IQSEC3: variants seen among roughly 807,000 people sequenced by gnomAD.
IQSEC3 encodes the protein IQ motif and Sec7 domain ArfGEF 3, also known as IQ motif and SEC7 domain-containing protein 3.
Under a neutral mutation model 105.4 loss-of-function variants are expected in IQSEC3, and 50 were observed. The ratio of observed to expected loss-of-function variants is 0.47; its 90% confidence interval spans 0.38 to 0.60. The LOEUF (loss-of-function observed/expected upper bound fraction) is 0.60. Among genes scored for constraint, IQSEC3 ranks in the 20% least tolerant of loss-of-function variants. IQSEC3 has a pLI of 0.00. For synonymous variants in IQSEC3, 708 were observed against 746.0 expected (o/e 0.95, Z 0.83); for missense variants, 1,415 against 1,630.0 (o/e 0.87, Z 2.27).
intron 3 of IQSEC3, among the ~76,000 whole-genome samples, chr12:133,292 C>T (rs776730672): frequency 2.6e-5 from 4 of 152,204 alleles, no homozygotes; most frequent in Admixed American, 6.5e-5. Flanking sequence ...AAAATTAAAA[C>T]GTGTGGAGAC....
At position 138,056 on chromosome 12, in the gene IQSEC3, A is replaced by G. The variant is rs1284984400; in HGVS notation, c.904-211A>G. 1.3e-5 allele frequency among the ~76,000 whole-genome samples: 2 copies of G among 151,982 alleles called. No individual in the cohort carries two copies. Among genetic ancestry groups the G allele is most frequent in the Non-Finnish European group, 2.9e-5 (2 of 67,976 alleles). On this transcript the variant is annotated intron_variant, in intron 3 of 13. Coordinates refer to ENST00000538872, the MANE Select transcript of IQSEC3 (RefSeq NM_001170738.2). The surrounding 1 kb of genome is among the most constrained non-coding windows in gnomAD (Gnocchi z 7.1). Reference sequence around the variant, plus strand: ...CCCTTGAGACATCACTAGTCCCCAGAACGGACCCCTCCGTCCTACACCTCT... The same window carrying G: ...CCCTTGAGACATCACTAGTCCCCAGGACGGACCCCTCCGTCCTACACCTCT...
chr12:157,755 A>C (rs1386545244), intron 7 of IQSEC3, 61 bp downstream of exon 7: 4 of 1,541,878 alleles, frequency 2.6e-6, no homozygotes, highest in Non-Finnish European at 3.5e-6. Flanking sequence ...CATTCTGTGC[A>C]CCGTGCATTC....
At chr12:101,926 C>A (rs1864435196) in intron 2 of IQSEC3, among the ~76,000 whole-genome samples, 1 of 152,198 alleles carries the variant, frequency 6.6e-6, no homozygotes, top group Non-Finnish European at 1.5e-5. Context: ...CCAGCTGTCC[C>A]ACCTCCAGAG....
chr12:146,497 G>C (rs528810217), intron 5 of IQSEC3, among the ~76,000 whole-genome samples: 11 of 152,058 alleles, frequency 7.2e-5, no homozygotes, highest in African/African-American at 2.7e-4. Context: ...TTTTTTTTAA[G>C]TAGCCAGGTG....
chr12:79,958 T>C (rs1419260749), intron 1 of IQSEC3, among the ~76,000 whole-genome samples: 2 of 152,236 alleles, frequency 1.3e-5, no homozygotes, highest in East Asian at 3.8e-4. Flanking sequence ...TCCCTAATAA[T>C]GTATCTTAGT....
chr12:132,155 G>A (rs147567050), intron 3 of IQSEC3, among the ~76,000 whole-genome samples: 1 of 152,238 alleles, frequency 6.6e-6, no homozygotes, highest in Non-Finnish European at 1.5e-5. Context: ...TTTGAGATAG[G>A]TCTCGAAGAA....
chr12:91,429 C>T (rs1311846229), intron 1 of IQSEC3, among the ~76,000 whole-genome samples: 2 of 152,148 alleles, frequency 1.3e-5, no homozygotes, highest in African/African-American at 4.8e-5. Context: ...GGCCAGCTGG[C>T]CCTGACTGTT....
At chr12:94,032 C>A (rs1480215030) in intron 1 of IQSEC3, among the ~76,000 whole-genome samples, 1 of 152,228 alleles carries the variant, frequency 6.6e-6, no homozygotes, top group South Asian at 2.1e-4. Context: ...AACCTCTTTT[C>A]TTTGTAAGTT....
At chr12:120,972 C>T (rs1262893362) in intron 2 of IQSEC3, among the ~76,000 whole-genome samples, 5 of 152,324 alleles carry the variant, frequency 3.3e-5, no homozygotes, top group Non-Finnish European at 4.4e-5. Flanking sequence ...AGTGACCTCA[C>T]GTTTTCTCCC....
intron 2 of IQSEC3, among the ~76,000 whole-genome samples, chr12:104,590 C>T (rs1555077370): frequency 2.0e-5 from 3 of 152,218 alleles, no homozygotes; most frequent in African/African-American, 7.2e-5. Flanking sequence ...TCTGCATTTC[C>T]CACTTGGCGA....
At chr12:173,427 G>A (rs1051386647) in intron 13 of IQSEC3, among the ~76,000 whole-genome samples, 3 of 152,194 alleles carry the variant, frequency 2.0e-5, no homozygotes, top group African/African-American at 7.2e-5. Flanking sequence ...GGGAAAGGGT[G>A]TCCCTGAACT....
chr12:156,921 G>A lies in IQSEC3; in HGVS notation c.2154-104G>A, dbSNP rs534151229. The A allele has an allele frequency of 1.5e-5, 20 of 1,326,852 alleles. No individual in the cohort carries two copies. The African/African-American group carries it at 2.7e-4, about 18-fold the overall frequency. 82.2% of individuals were successfully genotyped at this position (1,326,852 alleles called of 1,614,324 possible). ...CGACCCCCGGGGGTGAGTAGCCTGAGGGGCCCTGCACCTGTCCTGGCTGGG... is the reference window on the plus strand; with the variant it reads ...CGACCCCCGGGGGTGAGTAGCCTGAAGGGCCCTGCACCTGTCCTGGCTGGG... On this transcript the variant is annotated intron_variant, in intron 5 of 13. Transcript: ENST00000538872.
intron 1 of IQSEC3, among the ~76,000 whole-genome samples, chr12:81,943 A>C (rs577777982): frequency 6.6e-6 from 1 of 152,306 alleles, no homozygotes; most frequent in East Asian, 1.9e-4. Context: ...AGAACTGTCC[A>C]TTAGCTTTAG....
At chr12:163,693 C>T (rs532146401) in intron 9 of IQSEC3, 74 bp downstream of exon 9, 5 of 886,206 alleles carry the variant, frequency 5.6e-6, no homozygotes, top group Non-Finnish European at 7.5e-6. Flanking sequence ...GGGCAGGGTC[C>T]CTGAAGTGGG....
intron 13 of IQSEC3, 94 bp downstream of exon 13, chr12:171,255 C>T (rs1555100186): frequency 6.2e-7 from 1 of 1,613,666 alleles, no homozygotes; most frequent in African/African-American, 1.3e-5. Flanking sequence ...AGGTATTAAT[C>T]AATGCCTCCC....
rs1555088438 is a variant in IQSEC3 at position 139,401 on chromosome 12, G to A, written c.1991+47G>A. Reference sequence around the variant, plus strand: ...GCCCGGAGTCCTGGGCGTCCTGGGAGGGAGGGAAGGAGGAGGGCACCTTCC... The same window carrying A: ...GCCCGGAGTCCTGGGCGTCCTGGGAAGGAGGGAAGGAGGAGGGCACCTTCC... On this transcript the variant is annotated intron_variant, in intron 4 of 13. Transcript: ENST00000538872. 4 of 1,452,710 alleles carry A rather than the reference G, an allele frequency of 2.8e-6. No individual in the cohort carries two copies. The South Asian group carries it at 4.0e-5, about 15-fold the overall frequency. The allele number at this position is 1,452,710 out of a possible 1,614,324, so 90.0% of individuals were successfully genotyped here.
chr12:104,514 T>C (rs1410135083), intron 2 of IQSEC3, among the ~76,000 whole-genome samples: 3 of 152,234 alleles, frequency 2.0e-5, no homozygotes, highest in Non-Finnish European at 2.9e-5. Context: ...TCCCAGTGTT[T>C]TATTTTTCTC....
intron 5 of IQSEC3, chr12:141,508 C>T (rs1302996071): frequency 2.0e-5 from 10 of 509,340 alleles, no homozygotes; most frequent in South Asian, 3.7e-5. Flanking sequence ...GGCCAGGCTT[C>T]GTTTGAGGCA....
chr12:82,673 C>T (rs1555070989), intron 1 of IQSEC3, among the ~76,000 whole-genome samples: 3 of 152,176 alleles, frequency 2.0e-5, no homozygotes, highest in East Asian at 1.9e-4. Context: ...GAGTGAGGCA[C>T]GGTGTTAAGC....
Sources: gnomAD v4.1 joint callset for allele counts (sites outside exome capture counted in the v4.1 genomes callset) on GRCh38, gnomAD v4.1.1 for gene constraint, Gnocchi (gnomAD v3.1) non-coding constraint, MANE v1.5 for transcripts, NCBI Gene and HGNC (gene_info 2026-07-23, HGNC 2026-07-21) for gene names.